Variants in KDSR observed in about 807,000 individuals in gnomAD.
The protein encoded by KDSR is 3-dehydrosphinganine reductase.
A neutral mutation model predicts 41.3 loss-of-function variants in KDSR; 23 were observed. The observed-to-expected ratio is 0.56, with a 90% CI of 0.40 to 0.79. KDSR has a LOEUF of 0.79. KDSR is among the 30% of genes least tolerant of loss of function. KDSR has a pLI of 0.00. For synonymous variants in KDSR, 138 were observed against 151.7 expected (o/e 0.91, Z 0.66); for missense variants, 351 against 416.8 (o/e 0.84, Z 1.37).
At position 63,329,982 on chromosome 18, in the gene KDSR, C is replaced by G. The variant is rs1913928205; in HGVS notation, c.*1800G>C. On this transcript the variant is annotated 3_prime_UTR_variant, in exon 10 of 10. Coordinates refer to ENST00000645214, the MANE Select transcript of KDSR (RefSeq NM_002035.4). ...ATTTATGAAACCATTCTGGCATCAA[C>G]CCATCCTTACAAGCTGCAATGAAAT... The G allele has an allele frequency of 5.3e-6, 1 of 188,880 alleles. No homozygotes were observed. 11.7% of individuals were successfully genotyped at this position (188,880 alleles called of 1,614,324 possible).
chr18:63,335,477 A>G, intron 8 of KDSR, 119 bp from the exon 9 acceptor site: 1 of 710,394 alleles, frequency 1.4e-6, no homozygotes, highest in East Asian at 2.6e-5. Flanking sequence ...AAATGGTCAC[A>G]AAGCATTGAT....
At position 63,329,526 on chromosome 18, in the gene KDSR, C is replaced by T. The variant is rs1448106785; in HGVS notation, c.*2256G>A. On this transcript the variant is annotated 3_prime_UTR_variant, in exon 10 of 10. Coordinates refer to ENST00000645214, the MANE Select transcript of KDSR (RefSeq NM_002035.4). ...GACTGTAGCCCTTTAACATCTCTGACAAGGAAATTTCTTCTCTGACATGAT... is the reference window on the plus strand; with the variant it reads ...GACTGTAGCCCTTTAACATCTCTGATAAGGAAATTTCTTCTCTGACATGAT... 1.5e-5 allele frequency: 3 copies of T among 202,446 alleles called. No individual in the cohort carries two copies. Among genetic ancestry groups the T allele is most frequent in the Non-Finnish European group, 3.0e-5 (3 of 98,542 alleles). 12.5% of individuals were successfully genotyped at this position (202,446 alleles called of 1,614,324 possible). A position where few individuals can be genotyped will look rare whatever the true frequency, so the allele number is the denominator to read the frequency against.
chr18:63,335,509 C>T (rs891848238), intron 8 of KDSR, 151 bp from the exon 9 acceptor site: 157 of 603,326 alleles, frequency 2.6e-4, no homozygotes, highest in South Asian at 2.5e-3. Flanking sequence ...AATGGACGCA[C>T]GGCCTTGGCA....
At chr18:63,351,668 TC>T (rs1269370659) in intron 5 of KDSR, among the ~76,000 whole-genome samples, 1 of 152,220 alleles carries the variant, frequency 6.6e-6, no homozygotes, top group East Asian at 1.9e-4. Context: ...GCTAGCACAG[TC>T]CTGGACCTCA....
Position 63,327,932 on chromosome 18 carries a change from A to C in KDSR, c.*3850T>G, listed in dbSNP as rs1185562518. The C allele has an allele frequency of 4.9e-6, 1 of 203,006 alleles. No individual in the cohort carries two copies. The highest frequency in any genetic ancestry group is 1.0e-5 in the Non-Finnish European group (1 of 98,954). 12.6% of individuals were successfully genotyped at this position (203,006 alleles called of 1,614,324 possible). ...GCAAGTGTAAAATATAATAGCTACT[A>C]TCTCCCCTTCAAAATTGCAAATCCA... On this transcript the variant is annotated 3_prime_UTR_variant, in exon 10 of 10. Coordinates refer to ENST00000645214, the MANE Select transcript of KDSR (RefSeq NM_002035.4).
chr18:63,339,686 A>T (rs534152442), intron 7 of KDSR, among the ~76,000 whole-genome samples: 94 of 152,076 alleles, frequency 6.2e-4, no homozygotes, highest in Non-Finnish European at 9.4e-4. Flanking sequence ...TTTGCATTTT[A>T]CCTCCTAAGT....
intron 9 of KDSR, among the ~76,000 whole-genome samples, chr18:63,333,490 A>C (rs2144346347): frequency 6.6e-6 from 1 of 152,320 alleles, no homozygotes; most frequent in African/African-American, 2.4e-5. Context: ...GGAAAATGTG[A>C]GGGTACACTC....
intron 9 of KDSR, among the ~76,000 whole-genome samples, chr18:63,333,800 G>A (rs1440741784): frequency 6.6e-6 from 1 of 152,158 alleles, no homozygotes; most frequent in East Asian, 1.9e-4. Context: ...CAAAAAGTGT[G>A]TAACTCAAGC....
In KDSR at chr18:63,331,635, C is replaced by T; in HGVS notation, c.*147G>A. The T allele has an allele frequency of 1.5e-6, 1 of 680,598 alleles. No homozygotes were observed. The highest frequency in any genetic ancestry group is 2.4e-6 in the Non-Finnish European group (1 of 408,498). The allele number at this position is 680,598 out of a possible 1,614,324, so 42.2% of individuals were successfully genotyped here. On this transcript the variant is annotated 3_prime_UTR_variant, in exon 10 of 10. Coordinates refer to ENST00000645214, the MANE Select transcript of KDSR (RefSeq NM_002035.4). The stretch of plus-strand genomic sequence containing the variant: ...CAGGAGGTGAACTTCTAGCCCCTTG[C>T]TTGCAGCCACATTCCTGAAGAGCAC...
intron 6 of KDSR, chr18:63,344,793 C>T (rs974156109): frequency 1.1e-5 from 3 of 271,112 alleles, no homozygotes; most frequent in East Asian, 1.4e-4. Context: ...GGGAGCCGTC[C>T]GACGAGGGCA....
At chr18:63,351,768 A>T (rs1267191104) in intron 5 of KDSR, among the ~76,000 whole-genome samples, 3 of 151,732 alleles carry the variant, frequency 2.0e-5, no homozygotes, top group Admixed American at 1.3e-4. Flanking sequence ...TTATTTATTT[A>T]TTTTTTGCTT....
intron 9 of KDSR, 121 bp from the exon 10 acceptor site, chr18:63,332,022 A>G (rs1208565457): frequency 9.7e-7 from 1 of 1,030,046 alleles, no homozygotes; most frequent in African/African-American, 1.6e-5. Flanking sequence ...GATGAATATA[A>G]TGAAAACTCT....
intron 3 of KDSR, among the ~76,000 whole-genome samples, chr18:63,357,573 T>TACATACATAC (rs200333119): frequency 1.1e-4 from 14 of 126,344 alleles, no homozygotes; most frequent in African/African-American, 4.1e-4. Flanking sequence ...CATACATACA[T>TACATACATAC]ATATATATAT....
chr18:63,332,083 G>C (rs1345910977), intron 9 of KDSR, among the ~76,000 whole-genome samples, 182 bp from the exon 10 acceptor site: 1 of 152,182 alleles, frequency 6.6e-6, no homozygotes, highest in Non-Finnish European at 1.5e-5. Context: ...TGCACCGCTG[G>C]ACAGCCCAGA....
intron 6 of KDSR, among the ~76,000 whole-genome samples, chr18:63,349,081 C>T (rs543196351): frequency 2.0e-5 from 3 of 152,286 alleles, no homozygotes; most frequent in Non-Finnish European, 2.9e-5. Context: ...ACATACTTTA[C>T]AAAACTTTAT....
At chr18:63,353,222 C>G (rs1209007381) in intron 5 of KDSR, among the ~76,000 whole-genome samples, 1 of 151,764 alleles carries the variant, frequency 6.6e-6, no homozygotes, top group African/African-American at 2.4e-5. Context: ...TGAAAAAAGA[C>G]GTCACACTGA....
intron 6 of KDSR, among the ~76,000 whole-genome samples, chr18:63,350,154 AT>A (rs1472588466): frequency 1.3e-5 from 2 of 152,176 alleles, no homozygotes; most frequent in African/African-American, 4.8e-5. Context: ...TCAGCATGTG[AT>A]TTTTGGGTAG....
At chr18:63,342,495 A>G (rs1914371555) in intron 7 of KDSR, among the ~76,000 whole-genome samples, 1 of 152,250 alleles carries the variant, frequency 6.6e-6, no homozygotes, top group South Asian at 2.1e-4. Flanking sequence ...ATGTGCTCAC[A>G]TGGATCAAAA....
At position 63,329,288 on chromosome 18, in the gene KDSR, A is replaced by T. The variant is rs551046215; in HGVS notation, c.*2494T>A. The T allele has an allele frequency of 4.8e-6, 1 of 207,970 alleles. No homozygotes were observed. Among genetic ancestry groups the T allele is most frequent in the African/African-American group, 2.3e-5 (1 of 44,082 alleles). The allele number at this position is 207,970 out of a possible 1,614,324, so 12.9% of individuals were successfully genotyped here. A position where few individuals can be genotyped will look rare whatever the true frequency, so the allele number is the denominator to read the frequency against. On this transcript the variant is annotated 3_prime_UTR_variant, in exon 10 of 10. Transcript: ENST00000645214. ...AAAAGGCAATATGGGCATATTTTGA[A>T]TATTACAAAACACCTCCACAGCATC...
Sources: allele counts gnomAD v4.1 joint callset (sites outside exome capture counted in the v4.1 genomes callset), GRCh38; gene constraint gnomAD v4.1.1; transcripts MANE v1.5; gene names NCBI Gene and HGNC (gene_info 2026-07-23, HGNC 2026-07-21).